The following EDA variants were observed in gnomAD, a reference collection of about 807,000 sequenced individuals.
EDA encodes ectodysplasin A.
Under a neutral mutation model 23.6 loss-of-function variants are expected in EDA, and 2 were observed. That is an observed-to-expected ratio of 0.08 (90% confidence interval 0.03 to 0.27). EDA has a LOEUF of 0.27. Ranked by LOEUF, EDA falls within the 10% of genes least tolerant of loss-of-function variation. EDA has a pLI of 1.00. For synonymous variants in EDA, 131 were observed against 132.0 expected, an observed-to-expected ratio of 0.99 and a Z score of 0.05; for missense variants, 229 against 324.2, an observed-to-expected ratio of 0.71 and a Z score of 2.26.
In EDA at chrX:70,035,450, C is replaced by T; in HGVS notation, c.1017C>T (p.Gly339=). 4.1e-6 allele frequency: 5 copies of T among 1,210,932 alleles called. No homozygotes were observed. Among genetic ancestry groups the T allele is most frequent in the Non-Finnish European group, 5.6e-6 (5 of 895,354 alleles). ...FLQCTRSIET[G]KTNYNTCYTA... Reference sequence around the variant, plus strand: ...AGTGCACACGCAGCATCGAGACGGGCAAGACCAACTACAACACTTGCTATA... The same window carrying T: ...AGTGCACACGCAGCATCGAGACGGGTAAGACCAACTACAACACTTGCTATA... The change falls in exon 8 of 8, where the codon GGC becomes GGT. Residue 339 remains glycine, a synonymous_variant. Coordinates refer to ENST00000374552, the MANE Select transcript of EDA (RefSeq NM_001399.5).
At chrX:69,760,436 T>C (rs1272261182) in intron 1 of EDA, among the ~76,000 whole-genome samples, 1 of 111,642 alleles carries the variant, frequency 9.0e-6, no homozygotes, top group Non-Finnish European at 1.9e-5. Context: ...GCTCTCTATT[T>C]TCCTTACAGT....
In EDA at chrX:69,616,950, C is replaced by G. The variant is rs775907189; in HGVS notation, c.396+246C>G. On this transcript the variant is annotated intron_variant, in intron 1 of 7. Transcript: ENST00000374552. ...TCTCGCGCGCGCCCGCGGCCCCTGG[C>G]TGCGGGCTGCCTCGAGAAAAGTTGG... 937 of 440,626 alleles carry G rather than the reference C, an allele frequency of 2.1e-3. 8 individuals are homozygous for G. The highest frequency in any genetic ancestry group is 0.021 in the African/African-American group (846 of 40,372). 36.3% of individuals were successfully genotyped at this position (440,626 alleles called of 1,213,427 possible).
rs756174434 is a variant in EDA at position 69,664,179 on chromosome X, C to T, written c.396+47475C>T. On this transcript the variant is annotated intron_variant, in intron 1 of 7. Coordinates refer to ENST00000374552, the MANE Select transcript of EDA (RefSeq NM_001399.5). ...GGACATGAGATTTGGGAAGGGCCAA[C>T]GGTGGAATGATATGGTTTGGCTGTG... is the stretch of plus-strand genomic sequence containing the variant. 9.0e-5 allele frequency among the ~76,000 whole-genome samples: 10 copies of T among 111,498 alleles called. No individual in the cohort carries two copies. The East Asian group carries it at 2.0e-3, about 22-fold the overall frequency.
At chrX:70,005,369 C>T (rs1200542941) in intron 2 of EDA, among the ~76,000 whole-genome samples, 2 of 110,576 alleles carry the variant, frequency 1.8e-5, no homozygotes, top group Non-Finnish European at 3.8e-5. Context: ...CCCAGGTTTA[C>T]CACTTTCTTC....
chrX:70,012,944 C>T (rs1409121361), intron 2 of EDA, among the ~76,000 whole-genome samples: 1 of 112,339 alleles, frequency 8.9e-6, no homozygotes, highest in Non-Finnish European at 1.9e-5. Flanking sequence ...TTCACAGCTC[C>T]CTCCTCTAAT....
chrX:70,012,478 C>T (rs1329906994), intron 2 of EDA, among the ~76,000 whole-genome samples: 1 of 111,634 alleles, frequency 9.0e-6, no homozygotes, highest in Non-Finnish European at 1.9e-5. Flanking sequence ...CTTAAAGGTC[C>T]GTGTTGAAAA....
At chrX:69,715,386 C>G (rs1602327727) in intron 1 of EDA, among the ~76,000 whole-genome samples, 1 of 111,245 alleles carries the variant, frequency 9.0e-6, no homozygotes, top group African/African-American at 3.3e-5. Context: ...ATAATGGCCT[C>G]AAGCTCCATC....
chrX:69,649,229 A>G (rs1438474538), intron 1 of EDA, among the ~76,000 whole-genome samples: 2 of 112,297 alleles, frequency 1.8e-5, no homozygotes, highest in Non-Finnish European at 3.8e-5. Flanking sequence ...TTAGATTCTT[A>G]TGAAATAGAG....
At chrX:69,621,777 G>A (rs753291389) in intron 1 of EDA, among the ~76,000 whole-genome samples, 1 of 111,106 alleles carries the variant, frequency 9.0e-6, no homozygotes, top group South Asian at 3.9e-4. Context: ...GTCTTGCTCT[G>A]TCACCCAGGT....
intron 1 of EDA, among the ~76,000 whole-genome samples, chrX:69,674,769 C>T (rs1934020764): frequency 9.0e-6 from 1 of 111,501 alleles, no homozygotes; most frequent in Non-Finnish European, 1.9e-5. Flanking sequence ...TCCTATTTGC[C>T]AAATCAGCCT....
At chrX:70,007,629 C>T (rs2019820335) in intron 2 of EDA, among the ~76,000 whole-genome samples, 1 of 111,094 alleles carries the variant, frequency 9.0e-6, no homozygotes, top group Non-Finnish European at 1.9e-5. Flanking sequence ...GTCTTCATAG[C>T]AGCATGAAAA....
intron 1 of EDA, among the ~76,000 whole-genome samples, chrX:69,664,901 A>G (rs1028882271): frequency 8.9e-6 from 1 of 111,788 alleles, no homozygotes; most frequent in African/African-American, 3.3e-5. Context: ...GTTTTCCATA[A>G]TGGTCATACC....
At chrX:69,682,593 G>A (rs186416557) in intron 1 of EDA, among the ~76,000 whole-genome samples, 75 of 111,967 alleles carry the variant, frequency 6.7e-4, no homozygotes, top group African/African-American at 2.2e-3. Flanking sequence ...TCCAGGTGCC[G>A]TCTGTCACTC....
At chrX:69,987,296 AAAAATT>A (rs2019510904) in intron 2 of EDA, among the ~76,000 whole-genome samples, 1 of 105,349 alleles carries the variant, frequency 9.5e-6, no homozygotes, top group African/African-American at 3.6e-5. Context: ...AATTAAAAAA[AAAAATT>A]TTTTTTTTTA....
At chrX:69,685,824 A>G (rs1934522510) in intron 1 of EDA, among the ~76,000 whole-genome samples, 1 of 112,489 alleles carries the variant, frequency 8.9e-6, no homozygotes, top group Non-Finnish European at 1.9e-5. Context: ...ATATAAATGT[A>G]GTATGTTATG....
At chrX:69,897,629 A>G (rs1016419550) in intron 1 of EDA, among the ~76,000 whole-genome samples, 1 of 111,768 alleles carries the variant, frequency 8.9e-6, no homozygotes, top group Admixed American at 9.5e-5. Flanking sequence ...TTCTTGAGAG[A>G]TAGATGTTTA....
intron 1 of EDA, among the ~76,000 whole-genome samples, chrX:69,764,544 G>A (rs1159688682): frequency 2.7e-5 from 3 of 110,050 alleles, no homozygotes; most frequent in Admixed American, 9.7e-5. Context: ...CACCCTGCCC[G>A]TTTCTTATTC....
intron 1 of EDA, among the ~76,000 whole-genome samples, chrX:69,862,193 TCCA>T (rs1255892425): frequency 9.0e-6 from 1 of 111,120 alleles, no homozygotes; most frequent in African/African-American, 3.3e-5. Flanking sequence ...TCCTCAGTTC[TCCA>T]CCACATGGGC....
intron 1 of EDA, among the ~76,000 whole-genome samples, chrX:69,864,729 G>A (rs1481573583): frequency 8.9e-6 from 1 of 112,193 alleles, no homozygotes; most frequent in African/African-American, 3.2e-5. Flanking sequence ...AGTGGCTCAT[G>A]CCTGTAATCC....
Sources: allele counts gnomAD v4.1 joint callset (sites outside exome capture counted in the v4.1 genomes callset), GRCh38; gene constraint gnomAD v4.1.1; transcripts MANE v1.5; gene names NCBI Gene and HGNC (gene_info 2026-07-23, HGNC 2026-07-21).